SNED1: variants seen among roughly 807,000 people sequenced by gnomAD.
SNED1 encodes the protein sushi, nidogen and EGF-like domain-containing protein 1.
Under a neutral mutation model 166.7 loss-of-function variants are expected in SNED1, and 81 were observed. That is an observed-to-expected ratio of 0.49 (90% CI 0.41 to 0.58). SNED1 has a LOEUF of 0.58. Among genes scored for constraint, SNED1 ranks in the 20% least tolerant of loss-of-function variants. The pLI is 0.00. For missense variants in SNED1, 1,604 were observed against 2,000.2 expected, an observed-to-expected ratio of 0.80 and a Z score of 3.78; for synonymous variants, 762 against 822.0, an observed-to-expected ratio of 0.93 and a Z score of 1.25.
chr2:241,070,940 T>C (rs9789591), intron 24 of SNED1, among the ~76,000 whole-genome samples: 2,673 of 152,278 alleles, frequency 0.018, 203 homozygotes, highest in Admixed American at 0.12. Context: ...CGTGAGGCTG[T>C]GCTGGGGACA....
In SNED1 at chr2:241,069,781, C is replaced by T. The variant is rs1034312000; in HGVS notation, c.3308-139C>T. Reference sequence around the variant, plus strand: ...GTACGTGCCAGCCCACACCCCGCCTCGGCACTGTACCATTCTCCATAATAA... The same window carrying T: ...GTACGTGCCAGCCCACACCCCGCCTTGGCACTGTACCATTCTCCATAATAA... On this transcript the variant is annotated intron_variant, in intron 23 of 31. Coordinates refer to ENST00000310397, the MANE Select transcript of SNED1 (RefSeq NM_001080437.3). The surrounding 1 kb of genome is among the most constrained non-coding windows in gnomAD (Gnocchi z 4.9). 57 of 980,424 alleles carry T rather than the reference C, an allele frequency of 5.8e-5. No individual in the cohort carries two copies. In the African/African-American group the frequency reaches 8.1e-4, roughly 14 times the overall value. The allele number at this position is 980,424 out of a possible 1,614,324, so 60.7% of individuals were successfully genotyped here.
chr2:241,048,270 C>A, intron 8 of SNED1, 45 bp from the exon 9 acceptor site: 1 of 1,549,300 alleles, frequency 6.5e-7, no homozygotes, highest in East Asian at 2.3e-5. Flanking sequence ...ACCACTCTCC[C>A]CACATTCCCT....
At chr2:241,049,225 C>A in intron 11 of SNED1, 90 bp downstream of exon 11, 1 of 940,698 alleles carries the variant, frequency 1.1e-6, no homozygotes, top group South Asian at 1.5e-5. Flanking sequence ...AGGCCAGAGT[C>A]CCTACTTCCC....
chr2:241,036,695 G>T, intron 4 of SNED1, 95 bp from the exon 5 acceptor site: 1 of 1,534,288 alleles, frequency 6.5e-7, no homozygotes, highest in Non-Finnish European at 8.8e-7. Context: ...CCGACCTTTT[G>T]GGTCAGGGGA....
chr2:241,028,464 T>C (rs1414998337), intron 1 of SNED1, among the ~76,000 whole-genome samples: 1 of 152,242 alleles, frequency 6.6e-6, no homozygotes, highest in Admixed American at 6.5e-5. Context: ...TTAATTTTTG[T>C]ATATGGTGTT....
chr2:241,006,282 T>A (rs1289944248), intron 1 of SNED1, among the ~76,000 whole-genome samples: 3 of 152,242 alleles, frequency 2.0e-5, no homozygotes, highest in Non-Finnish European at 4.4e-5. Context: ...TATGTTGACA[T>A]TTCCTTTTCT....
chr2:241,036,622 C>A (rs959593709), intron 4 of SNED1, among the ~76,000 whole-genome samples, 168 bp from the exon 5 acceptor site: 6 of 152,168 alleles, frequency 3.9e-5, no homozygotes, highest in Non-Finnish European at 8.8e-5. Context: ...TGCTCCCCTG[C>A]TCCGACCTAA....
chr2:241,047,146 C>CAA (rs59981303), intron 8 of SNED1, among the ~76,000 whole-genome samples: 64 of 67,886 alleles, frequency 9.4e-4, no homozygotes, highest in South Asian at 1.9e-3. Context: ...GAGACTCTGT[C>CAA]AAAAAAAAAA....
At position 241,073,480 on chromosome 2, in the gene SNED1, C is replaced by A; in HGVS notation, c.3916+116C>A. On this transcript the variant is annotated intron_variant, in intron 27 of 31. Coordinates refer to ENST00000310397, the MANE Select transcript of SNED1 (RefSeq NM_001080437.3). The surrounding 1 kb of genome is among the most constrained non-coding windows in gnomAD (Gnocchi z 6.6). ...AGGAATCAGGAGGCACAGAGCCTAC[C>A]TGAGGGGAGGCTGAGCACCAGGCAC... 2 of 859,962 alleles carry A rather than the reference C, an allele frequency of 2.3e-6. No homozygotes were observed. The highest frequency in any genetic ancestry group is 3.8e-6 in the Non-Finnish European group (2 of 521,084). The allele number at this position is 859,962 out of a possible 1,614,324, so 53.3% of individuals were successfully genotyped here. A position where few individuals can be genotyped will look rare whatever the true frequency, so the allele number is the denominator to read the frequency against.
At position 241,091,391 on chromosome 2, in the gene SNED1, GA is replaced by G. The variant is rs1420756881; in HGVS notation, c.*2-246del. 7.8e-6 allele frequency among the ~76,000 whole-genome samples: 1 copy of G among 128,650 alleles called. No homozygotes were observed. The highest frequency in any genetic ancestry group is 2.6e-4 in the East Asian group (1 of 3,896). The allele number at this position is 128,650 out of a possible 152,430, so 84.4% of individuals were successfully genotyped here. A position where few individuals can be genotyped will look rare whatever the true frequency, so the allele number is the denominator to read the frequency against. ...GAGCCCACATGTTCCTAAAGATGGG[GA>G]TGTAGTCGGTGGAGGCTGCCCCTCC... On this transcript the variant is annotated intron_variant, in intron 31 of 31. Coordinates refer to ENST00000310397, the MANE Select transcript of SNED1 (RefSeq NM_001080437.3). This position sits in a 1 kb window ranked among gnomAD's most constrained non-coding sequence, Gnocchi z 4.1.
At position 241,089,089 on chromosome 2, in the gene SNED1, C is replaced by T. The variant is rs576870289; in HGVS notation, c.*1+687C>T. On this transcript the variant is annotated intron_variant, in intron 31 of 31. Transcript: ENST00000310397. ...GCCCCCACCTCCCCACACAAACTGCCGAATCTTAAACAACACTGGCATTCT... is the reference window on the plus strand; with the variant it reads ...GCCCCCACCTCCCCACACAAACTGCTGAATCTTAAACAACACTGGCATTCT... 6.8e-5 allele frequency: 32 copies of T among 470,960 alleles called. 1 individual carries two copies. The Admixed American group carries it at 1.1e-3, about 16-fold the overall frequency. The allele number at this position is 470,960 out of a possible 1,614,324, so 29.2% of individuals were successfully genotyped here.
intron 1 of SNED1, among the ~76,000 whole-genome samples, chr2:241,028,588 G>A (rs1437989361): frequency 4.6e-5 from 7 of 152,242 alleles, no homozygotes; most frequent in South Asian, 2.1e-4. Flanking sequence ...TGTGAAAATC[G>A]TTTGATTATA....
At chr2:241,047,147 A>C (rs2061672814) in intron 8 of SNED1, among the ~76,000 whole-genome samples, 2 of 70,652 alleles carry the variant, frequency 2.8e-5, no homozygotes, top group African/African-American at 1.3e-4. Context: ...AGACTCTGTC[A>C]AAAAAAAAAA....
At chr2:241,030,744 A>G (rs1212387037) in intron 2 of SNED1, among the ~76,000 whole-genome samples, 173 bp downstream of exon 2, 2 of 152,088 alleles carry the variant, frequency 1.3e-5, no homozygotes, top group African/African-American at 4.8e-5. Context: ...CACGTCCCCA[A>G]CCTTCCCCAA....
intron 29 of SNED1, among the ~76,000 whole-genome samples, chr2:241,084,984 G>T (rs183134568): frequency 8.5e-5 from 13 of 152,058 alleles, no homozygotes; most frequent in Admixed American, 2.0e-4. Flanking sequence ...CAGACAAGAA[G>T]ACTGCAGTCA....
chr2:241,071,806 C>T lies in SNED1; in HGVS notation c.3745C>T (p.Leu1249Phe), dbSNP rs1265273946. 1.9e-6 allele frequency: 3 copies of T among 1,597,328 alleles called. No individual in the cohort carries two copies. The highest frequency in any genetic ancestry group is 2.6e-6 in the Non-Finnish European group (3 of 1,172,332). Reference sequence around the variant, plus strand: ...CCACCCTCTCTGCAGGTTCTCGGAGCTTGTGGACGGCAGAGGAAGAGTGAG... The same window carrying T: ...CCACCCTCTCTGCAGGTTCTCGGAGTTTGTGGACGGCAGAGGAAGAGTGAG... ...TPTQPPRFSELVDGRGRVSAR... is the reference protein window; with the variant it reads ...TPTQPPRFSEFVDGRGRVSAR... The change falls in exon 26 of 32, where the codon CTT (leucine) becomes TTT (phenylalanine). Residue 1249 changes from leucine to phenylalanine, a missense_variant. Leu to Phe is a conservative substitution (Grantham distance 22). This residue lies in a region of SNED1 where 367 missense variants were observed against 379.4 expected (regional missense o/e 0.97). Coordinates refer to ENST00000310397, the MANE Select transcript of SNED1 (RefSeq NM_001080437.3).
intron 28 of SNED1, 49 bp from the exon 29 acceptor site, chr2:241,082,228 G>T: frequency 6.8e-7 from 1 of 1,474,240 alleles, no homozygotes; most frequent in Non-Finnish European, 9.4e-7. Context: ...AGAGGGGCAG[G>T]AGGAGCCGTC....
At chr2:241,090,517 A>AT in intron 31 of SNED1, 2 of 1,465,984 alleles carry the variant, frequency 1.4e-6, no homozygotes. Context: ...ATCAAGTATT[A>AT]TGTACTCTAC....
intron 1 of SNED1, among the ~76,000 whole-genome samples, chr2:241,025,298 C>T (rs376986501): frequency 6.6e-6 from 1 of 152,142 alleles, no homozygotes; most frequent in Non-Finnish European, 1.5e-5. Context: ...CATCCCCACA[C>T]CCCCACCCCA....
Sources: gnomAD v4.1 joint callset for allele counts (sites outside exome capture counted in the v4.1 genomes callset) on GRCh38, gnomAD v4.1.1 for gene constraint, gnomAD v4.1.1 regional missense constraint, Gnocchi (gnomAD v3.1) non-coding constraint, MANE v1.5 for transcripts, NCBI Gene and HGNC (gene_info 2026-07-23, HGNC 2026-07-21) for gene names.